The following MATR3 variants were observed in gnomAD, a reference collection of about 807,000 sequenced individuals.
The protein encoded by MATR3 is matrin-3.
In MATR3, 4 loss-of-function variants were observed where a neutral mutation model predicts 85.5. The observed-to-expected ratio is 0.05, with a 90% confidence interval of 0.02 to 0.11. MATR3 has a LOEUF of 0.11. Ranked by LOEUF, MATR3 falls within the 10% of genes least tolerant of loss-of-function variation. MATR3 has a pLI of 1.00. For missense variants in MATR3, 685 were observed against 1,016.1 expected (o/e 0.67, Z 4.43); for synonymous variants, 336 against 343.1 (o/e 0.98, Z 0.23).
In MATR3 at chr5:139,323,687, G is replaced by A. The variant is rs532984895; in HGVS notation, c.2148+720G>A. Among the ~76,000 whole-genome samples the A allele has an allele frequency of 2.0e-5, 3 of 152,258 alleles. No homozygotes were observed. In the South Asian group the frequency reaches 6.2e-4, roughly 32 times the overall value. ...CTTTGGGAGGCCCAGCAGATCAGTT[G>A]AGGCCAGGAGTTCAAGACCAACATG... On this transcript the variant is annotated intron_variant, in intron 12 of 14. Transcript: ENST00000394805.
rs1310338076 is a variant in MATR3, at chr5:139,330,110, C to CA, written c.*716dup. 2.2e-6 allele frequency: 1 copy of CA among 454,498 alleles called. No homozygotes were observed. Among genetic ancestry groups the CA allele is most frequent in the Non-Finnish European group, 4.4e-6 (1 of 226,780 alleles). 28.2% of individuals were successfully genotyped at this position (454,498 alleles called of 1,614,324 possible). On this transcript the variant is annotated 3_prime_UTR_variant, in exon 15 of 15. Transcript: ENST00000394805. Reference sequence around the variant, plus strand: ...TAATTTTTGAGATCTTACTGCTTGTCACTTGAATCCCGTGATTGTCATACA... The same window carrying CA: ...TAATTTTTGAGATCTTACTGCTTGTCAACTTGAATCCCGTGATTGTCATACA...
At chr5:139,321,828 T>G in intron 9 of MATR3, 70 bp from the exon 10 acceptor site, 2 of 1,506,694 alleles carry the variant, frequency 1.3e-6, no homozygotes, top group Non-Finnish European at 1.8e-6. Flanking sequence ...GTAGGTAGAA[T>G]ACATAATAAG....
intron 1 of MATR3, among the ~76,000 whole-genome samples, chr5:139,301,250 G>A (rs1231432770): frequency 6.6e-6 from 1 of 152,184 alleles, no homozygotes; most frequent in African/African-American, 2.4e-5. Context: ...CCAAAATTCA[G>A]TATGTATGAA....
intron 1 of MATR3, among the ~76,000 whole-genome samples, chr5:139,295,445 A>C (rs1754096146): frequency 6.6e-6 from 1 of 152,242 alleles, no homozygotes; most frequent in South Asian, 2.1e-4. Context: ...TGCACTTAAC[A>C]GTATATACTT....
intron 1 of MATR3, among the ~76,000 whole-genome samples, chr5:139,295,274 A>T (rs2151923141): frequency 6.6e-6 from 1 of 152,314 alleles, no homozygotes; most frequent in South Asian, 2.1e-4. Flanking sequence ...CGTTGCAAAA[A>T]CGCTCTGGAT....
In MATR3 at chr5:139,317,338, C is replaced by G. The variant is rs150663381; in HGVS notation, c.1182+233C>G. Among the ~76,000 whole-genome samples, 264 of 152,260 alleles carry G rather than the reference C, an allele frequency of 1.7e-3. 1 individual carries two copies. Among genetic ancestry groups the G allele is most frequent in the African/African-American group, 6.1e-3 (253 of 41,546 alleles). ...TCTTGGAAGCTTTGCTGTCCAGTTA[C>G]GCGTACAATATTTAATTTAAAAATC... On this transcript the variant is annotated intron_variant, in intron 6 of 14. Transcript: ENST00000394805.
At chr5:139,325,928 CTTTTCTGTGTTGTTTTTCT>C (rs1755831822) in intron 13 of MATR3, among the ~76,000 whole-genome samples, 2 of 151,868 alleles carry the variant, frequency 1.3e-5, no homozygotes, top group Admixed American at 1.3e-4. Flanking sequence ...TTTTGTTTTG[CTTTTCTGTGTTGTTTTTCT>C]GTATTATATT....
intron 2 of MATR3, chr5:139,278,296 G>C (rs1236683870): frequency 2.2e-6 from 1 of 453,656 alleles, no homozygotes; most frequent in East Asian, 6.9e-5. Flanking sequence ...CTGTGTACTA[G>C]ATCACTAAGT....
At position 139,315,730 on chromosome 5, in the gene MATR3, A is replaced by G. The variant is rs1463407713; in HGVS notation, c.1008A>G (p.Gly336=). 1.2e-6 allele frequency: 2 copies of G among 1,610,742 alleles called. No homozygotes were observed. Among genetic ancestry groups the G allele is most frequent in the African/African-American group, 1.3e-5 (1 of 74,864 alleles). ...YPEWNPDNDT[G]HTMGDPFMLQ... ...AATGGAATCCTGACAATGATACAGG[A>G]CACACAATGTAAGTTAAATTTTTTA... The change falls in exon 4 of 15, where the codon GGA becomes GGG. Residue 336 remains glycine, a synonymous_variant. Transcript: ENST00000394805.
chr5:139,277,298 G>A (rs774339895), intron 2 of MATR3, among the ~76,000 whole-genome samples: 8 of 152,028 alleles, frequency 5.3e-5, no homozygotes, highest in Admixed American at 2.6e-4. Flanking sequence ...CCACTGCACC[G>A]TGCCTGGCCT....
At chr5:139,319,162 G>C (rs1158139127) in intron 8 of MATR3, 129 bp downstream of exon 8, 17 of 1,282,218 alleles carry the variant, frequency 1.3e-5, no homozygotes, top group Non-Finnish European at 1.9e-5. Flanking sequence ...AGCACCTTGG[G>C]AGGCCAAGGT....
intron 12 of MATR3, among the ~76,000 whole-genome samples, chr5:139,323,643 C>T (rs1755692081): frequency 6.6e-6 from 1 of 152,148 alleles, no homozygotes; most frequent in Admixed American, 6.5e-5. Flanking sequence ...CCCAGTGGCT[C>T]ACGCCTGTAA....
chr5:139,294,231 CTG>C (rs1325112213), intron 1 of MATR3: 3 of 422,734 alleles, frequency 7.1e-6, no homozygotes, highest in Non-Finnish European at 1.2e-5. Flanking sequence ...GAGGGACAGA[CTG>C]TACACTGGGG....
chr5:139,317,831 T>G, intron 7 of MATR3, 110 bp downstream of exon 7: 1 of 1,100,562 alleles, frequency 9.1e-7, no homozygotes, highest in Non-Finnish European at 1.3e-6. Context: ...AATCTTAAGT[T>G]TATCAAATGC....
intron 3 of MATR3, 151 bp from the exon 4 acceptor site, chr5:139,315,546 T>C (rs1755198050): frequency 1.8e-6 from 1 of 554,206 alleles, no homozygotes; most frequent in East Asian, 3.0e-5. Context: ...TCTTTTGAAA[T>C]ATCTATTGGA....
chr5:139,301,030 G>A (rs1581225097), intron 1 of MATR3, among the ~76,000 whole-genome samples: 1 of 152,130 alleles, frequency 6.6e-6, no homozygotes, highest in East Asian at 1.9e-4. Context: ...GGCCAAGCTG[G>A]TCTCGAACTT....
In MATR3 at chr5:139,325,549, A is replaced by T; in HGVS notation, c.2258A>T (p.Asp753Val). 6.2e-7 allele frequency: 1 copy of T among 1,614,210 alleles called. No homozygotes were observed. The highest frequency in any genetic ancestry group is 8.5e-7 in the Non-Finnish European group (1 of 1,180,032). ...PGAESSENAD[D>V]PNKDTSENAD... is the part of the protein sequence containing the mutation. ...GCTGAATCTTCTGAGAACGCTGATG[A>T]TCCCAACAAAGATACAAGTGAAAAC... The change falls in exon 13 of 15, where the codon GAT (aspartate) becomes GTT (valine). Residue 753 changes from aspartate (D) to valine (V), a missense_variant. Transcript: ENST00000394805.
Position 139,317,433 on chromosome 5 carries a change from C to A in MATR3, c.1183-163C>A, listed in dbSNP as rs139115526. On this transcript the variant is annotated intron_variant, in intron 6 of 14. Transcript: ENST00000394805. ...TGGTTATGGTCAGAAAGAACTTACC[C>A]AGTGACGTTTGATATGTAGCTTTAA... Among the ~76,000 whole-genome samples, 3 of 152,248 alleles carry A rather than the reference C, an allele frequency of 2.0e-5. No individual in the cohort carries two copies. The East Asian group carries it at 5.8e-4, about 29-fold the overall frequency.
chr5:139,282,222 C>G (rs958736156), intron 3 of MATR3, among the ~76,000 whole-genome samples: 1 of 152,168 alleles, frequency 6.6e-6, no homozygotes, highest in Non-Finnish European at 1.5e-5. Context: ...ATGGACCTGT[C>G]AATATACTCT....
Sources: gnomAD v4.1 joint callset for allele counts (sites outside exome capture counted in the v4.1 genomes callset) on GRCh38, gnomAD v4.1.1 for gene constraint, MANE v1.5 for transcripts, NCBI Gene and HGNC (gene_info 2026-07-23, HGNC 2026-07-21) for gene names.